Variants in PTCH1 observed in about 807,000 individuals in gnomAD.
PTCH1 encodes the protein protein patched homolog 1.
A neutral mutation model predicts 144.6 loss-of-function variants in PTCH1; 14 were observed. The observed-to-expected ratio is 0.10, with a 90% CI of 0.06 to 0.15. The LOEUF (loss-of-function observed/expected upper bound fraction) is 0.15, where lower values mean the gene tolerates loss of function less well. PTCH1 is among the 10% of genes least tolerant of loss of function. The probability of loss-of-function intolerance (pLI) is 1.00; values close to 1 mark genes in which losing one functional copy is unlikely to be tolerated. For missense variants in PTCH1, 1,623 were observed against 1,948.3 expected (o/e 0.83, Z 3.14); for synonymous variants, 833 against 793.6 (o/e 1.05, Z -0.83).
intron 3 of PTCH1, chr9:95,482,632 T>C: frequency 3.6e-6 from 1 of 278,046 alleles, no homozygotes; most frequent in Non-Finnish European, 6.9e-6. Flanking sequence ...GCAGATCATG[T>C]CCTTAATAGG....
rs779483454 is a variant in PTCH1, at chr9:95,478,960, T to TA, written c.1215+39dup. ...ATAATGGTGAAAATGAAGAATTGCA[T>TA]AACCAGCGAGTCTGCACGCCGATTC... On this transcript the variant is annotated intron_variant, in intron 8 of 23. Coordinates refer to ENST00000331920, the MANE Select transcript of PTCH1 (RefSeq NM_000264.5). 2.5e-6 allele frequency: 4 copies of TA among 1,613,680 alleles called. No individual in the cohort carries two copies. In the African/African-American group the frequency reaches 4.0e-5, roughly 16 times the overall value.
At chr9:95,457,931 A>T in intron 18 of PTCH1, 82 bp downstream of exon 18, 1 of 1,560,570 alleles carries the variant, frequency 6.4e-7, no homozygotes, top group Non-Finnish European at 8.8e-7. Flanking sequence ...AGAGGCCCAG[A>T]CATAAACAAA....
At position 95,494,076 on chromosome 9, in the gene PTCH1, AACCGCACGGG is replaced by A. The variant is rs371005794; in HGVS notation, c.395-8212_395-8203del. ...AAAGGACACCCCCACCTGCCCACGG[AACCGCACGGG>A]ACCGCACGGGGCATGTGGCAGGCTG... On this transcript the variant is annotated intron_variant, in intron 2 of 23. Transcript: ENST00000331920. Among the ~76,000 whole-genome samples, 1,220 of 152,328 alleles carry A rather than the reference AACCGCACGGG, an allele frequency of 8.0e-3. 13 individuals carry two copies. The highest frequency in any genetic ancestry group is 0.023 in the African/African-American group (962 of 41,562).
chr9:95,453,067 G>A (rs1838605364), intron 20 of PTCH1: 1 of 318,990 alleles, frequency 3.1e-6, no homozygotes, highest in African/African-American at 2.2e-5. Context: ...GCAGAGTCAC[G>A]ATGACGAGGT....
chr9:95,454,447 T>C (rs768726676), intron 19 of PTCH1, among the ~76,000 whole-genome samples: 25 of 152,236 alleles, frequency 1.6e-4, no homozygotes, highest in Non-Finnish European at 3.2e-4. Flanking sequence ...GAGACGGTCG[T>C]TCTCCTTAAC....
At chr9:95,489,943 G>GGC (rs1842253713) in intron 2 of PTCH1, among the ~76,000 whole-genome samples, 1 of 151,598 alleles carries the variant, frequency 6.6e-6, no homozygotes, top group African/African-American at 2.4e-5. Context: ...TGGGACTACA[G>GGC]GCGCCCGCCA....
chr9:95,459,869 C>T (rs777852380), intron 16 of PTCH1, 86 bp from the exon 17 acceptor site: 30 of 1,397,170 alleles, frequency 2.1e-5, no homozygotes, highest in Non-Finnish European at 2.8e-5. Flanking sequence ...AGCTGAGCTT[C>T]GCACAGCATT....
At chr9:95,475,748 C>T (rs995809665) in intron 12 of PTCH1, among the ~76,000 whole-genome samples, 1 of 151,942 alleles carries the variant, frequency 6.6e-6, no homozygotes. Context: ...GGAGTAGCCC[C>T]GAAAGCCATG....
In PTCH1 at chr9:95,446,287, G is replaced by A; in HGVS notation, c.*106C>T. On this transcript the variant is annotated 3_prime_UTR_variant, in exon 24 of 24. Coordinates refer to ENST00000331920, the MANE Select transcript of PTCH1 (RefSeq NM_000264.5). ...CAATGAACTGCTGTCCTGGCACAGG[G>A]CATCTTTTCCATAACTCCAACCAGT... 2 of 491,340 alleles carry A rather than the reference G, an allele frequency of 4.1e-6. No homozygotes were observed. Among genetic ancestry groups the A allele is most frequent in the South Asian group, 3.0e-5 (2 of 67,796 alleles). 30.4% of individuals were successfully genotyped at this position (491,340 alleles called of 1,614,324 possible). A position where few individuals can be genotyped will look rare whatever the true frequency, so the allele number is the denominator to read the frequency against.
intron 2 of PTCH1, among the ~76,000 whole-genome samples, chr9:95,495,608 C>T (rs955898303): frequency 2.2e-4 from 34 of 152,026 alleles, no homozygotes; most frequent in African/African-American, 8.2e-4. Context: ...CTGCTGAAAC[C>T]TTATATTTTG....
At chr9:95,479,340 A>AACC (rs1418966038) in intron 7 of PTCH1, among the ~76,000 whole-genome samples, 193 bp from the exon 8 acceptor site, 1 of 152,230 alleles carries the variant, frequency 6.6e-6, no homozygotes, top group Non-Finnish European at 1.5e-5. Flanking sequence ...TTAAAGGTAT[A>AACC]ACCTTACAAA....
rs77421950 is a variant in PTCH1, at chr9:95,461,601, C to T, written c.2703+255G>A. Among the ~76,000 whole-genome samples, 637 of 152,346 alleles carry T rather than the reference C, an allele frequency of 4.2e-3. 3 individuals are homozygous for T. Among genetic ancestry groups the T allele is most frequent in the Admixed American group, 6.9e-3 (106 of 15,312 alleles). On this transcript the variant is annotated intron_variant, in intron 16 of 23. Transcript: ENST00000331920. ...CTCTCTTGGCTGCACTTTATTCTGACAATTGTTCTGGTGGTAGGAACACGC... is the reference window on the plus strand; with the variant it reads ...CTCTCTTGGCTGCACTTTATTCTGATAATTGTTCTGGTGGTAGGAACACGC...
At chr9:95,459,542 G>A (rs1330535815) in intron 17 of PTCH1, 58 bp downstream of exon 17, 2 of 1,596,304 alleles carry the variant, frequency 1.3e-6, no homozygotes, top group Admixed American at 3.3e-5. Flanking sequence ...GCTGAGTTTG[G>A]AGAACCAGGG....
At chr9:95,494,844 C>G (rs1441703899) in intron 2 of PTCH1, 1 of 152,650 alleles carries the variant, frequency 6.6e-6, no homozygotes, top group Non-Finnish European at 1.5e-5. Flanking sequence ...CTCTCCATCA[C>G]AGCACTCAAG....
rs941545420 is a variant in PTCH1, at chr9:95,473,851, T to G, written c.1728+2183A>C. On this transcript the variant is annotated intron_variant, in intron 12 of 23. Transcript: ENST00000331920. ...GCCACCGTGCGAAGCACTCCTTTTT[T>G]CTTTTGACAGAGAATTAACCAGTGT... is the stretch of plus-strand genomic sequence containing the variant. Among the ~76,000 whole-genome samples, 5 of 152,302 alleles carry G rather than the reference T, an allele frequency of 3.3e-5. No homozygotes were observed. The East Asian group carries it at 9.7e-4, about 29-fold the overall frequency.
chr9:95,506,135 C>T (rs908093569), intron 2 of PTCH1: 8 of 199,780 alleles, frequency 4.0e-5, no homozygotes, highest in African/African-American at 1.6e-4. Context: ...GCAGAGTGGT[C>T]CGTCCCGGAG....
At position 95,447,340 on chromosome 9, in the gene PTCH1, G is replaced by T. The variant is rs1169961504; in HGVS notation, c.3916C>A (p.Pro1306Thr). 2 of 1,613,360 alleles carry T rather than the reference G, an allele frequency of 1.2e-6. No homozygotes were observed. The highest frequency in any genetic ancestry group is 1.3e-5 in the African/African-American group (1 of 74,926). The change falls in exon 23 of 24, where the codon CCC becomes ACC. Residue 1306 changes from proline (P) to threonine (T), a missense_variant. By Grantham distance (38) the Pro-to-Thr change is conservative (BLOSUM62 -1). Around this residue, in one of 7 missense-constraint regions of PTCH1, gnomAD observed 291 missense variants for 287.4 expected, o/e 1.01. Coordinates refer to ENST00000331920, the MANE Select transcript of PTCH1 (RefSeq NM_000264.5). ...GGTGGCCACAAGCCTTCTCTGGGGG[G>T]GTCCCTGCGGGGCTGCTGGCCTTGC... ...GRQGQQPRRD[P>T]PREGLWPPPY...
At chr9:95,482,370 A>G (rs1841613615) in intron 3 of PTCH1, 167 bp from the exon 4 acceptor site, 1 of 651,968 alleles carries the variant, frequency 1.5e-6, no homozygotes, top group African/African-American at 1.8e-5. Context: ...GCTTGCTTTA[A>G]TGAATAGATA....
rs529938683 is a variant in PTCH1, at chr9:95,459,306, C to T, written c.2887+294G>A. 4.6e-5 allele frequency among the ~76,000 whole-genome samples: 7 copies of T among 152,286 alleles called. No individual in the cohort carries two copies. The South Asian group carries it at 1.5e-3, about 32-fold the overall frequency. Reference sequence around the variant, plus strand: ...AGTAAAATAACACTTAACCTGGAGGCGTCCCCGGTGTTCACAGGGAACAGC... The same window carrying T: ...AGTAAAATAACACTTAACCTGGAGGTGTCCCCGGTGTTCACAGGGAACAGC... On this transcript the variant is annotated intron_variant, in intron 17 of 23. Coordinates refer to ENST00000331920, the MANE Select transcript of PTCH1 (RefSeq NM_000264.5).
Sources: gnomAD v4.1 joint callset for allele counts (sites outside exome capture counted in the v4.1 genomes callset) on GRCh38, gnomAD v4.1.1 for gene constraint, gnomAD v4.1.1 regional missense constraint, MANE v1.5 for transcripts, NCBI Gene and HGNC (gene_info 2026-07-23, HGNC 2026-07-21) for gene names.